The following PCDHA3 variants were observed in gnomAD, a reference collection of about 807,000 sequenced individuals.
PCDHA3 encodes the protein protocadherin alpha-3.
In PCDHA3, 41 loss-of-function variants were observed where a neutral mutation model predicts 62.2. The ratio of observed to expected loss-of-function variants is 0.66; its 90% CI spans 0.51 to 0.86. PCDHA3 has a LOEUF of 0.86. PCDHA3 is among the 40% of genes least tolerant of loss of function. The pLI is 0.00. For synonymous variants in PCDHA3, 640 were observed against 555.4 expected, an observed-to-expected ratio of 1.15 and a Z score of -2.14; for missense variants, 1,304 against 1,241.2, an observed-to-expected ratio of 1.05 and a Z score of -0.76.
intron 1 of PCDHA3, chr5:140,803,848 A>C: frequency 1.7e-6 from 1 of 598,176 alleles, no homozygotes. Context: ...TTTTATTGCT[A>C]AATGCCTGGG....
rs542615615 is a variant in PCDHA3, at chr5:140,855,959, A to G, written c.2394+52368A>G. 8 of 1,399,890 alleles carry G rather than the reference A, an allele frequency of 5.7e-6. No homozygotes were observed. In the East Asian group the frequency reaches 1.1e-4, roughly 20 times the overall value. The allele number at this position is 1,399,890 out of a possible 1,614,324, so 86.7% of individuals were successfully genotyped here. On this transcript the variant is annotated intron_variant, in intron 1 of 3. Transcript: ENST00000522353. Reference sequence around the variant, plus strand: ...GAGATCTCAGCCATTTCGATAAAAAATAGATATAAGAAATAGGACAGAAAA... The same window carrying G: ...GAGATCTCAGCCATTTCGATAAAAAGTAGATATAAGAAATAGGACAGAAAA...
chr5:140,855,744 T>C, intron 1 of PCDHA3: 1 of 316,692 alleles, frequency 3.2e-6, no homozygotes, highest in Non-Finnish European at 5.8e-6. Context: ...AGACGTAATG[T>C]GAGGCTTTGA....
chr5:140,932,966 G>C (rs2088764912), intron 1 of PCDHA3, among the ~76,000 whole-genome samples: 1 of 151,942 alleles, frequency 6.6e-6, no homozygotes, highest in South Asian at 2.1e-4. Context: ...TTGCTGAAAG[G>C]TTTTTACAAT....
chr5:140,883,870 G>T, intron 1 of PCDHA3: 1 of 1,613,302 alleles, frequency 6.2e-7, no homozygotes, highest in South Asian at 1.1e-5. Context: ...TGCAGTTCCA[G>T]GTGAGCGCGC....
At chr5:140,836,286 C>T (rs146878440) in intron 1 of PCDHA3, 2 of 1,613,774 alleles carry the variant, frequency 1.2e-6, no homozygotes, top group South Asian at 1.1e-5. Context: ...CAGCACGACA[C>T]GAGCCCTAGA....
chr5:140,876,515 C>G (rs782705478), intron 1 of PCDHA3: 4 of 1,613,960 alleles, frequency 2.5e-6, no homozygotes, highest in Non-Finnish European at 3.4e-6. Flanking sequence ...GACAATGTCC[C>G]TGAAGTAATG....
intron 1 of PCDHA3, chr5:140,835,759 A>T: frequency 6.2e-7 from 1 of 1,613,356 alleles, no homozygotes; most frequent in South Asian, 1.1e-5. Context: ...GCGCAGCCCG[A>T]GTATACGGTG....
intron 3 of PCDHA3, 119 bp from the exon 4 acceptor site, chr5:141,009,508 C>T (rs923907688): frequency 6.7e-7 from 1 of 1,496,530 alleles, no homozygotes; most frequent in African/African-American, 1.4e-5. Flanking sequence ...GAACAAACAA[C>T]TCGTGATTTT....
chr5:140,963,151 A>G (rs544176369), intron 1 of PCDHA3, among the ~76,000 whole-genome samples: 2 of 152,326 alleles, frequency 1.3e-5, no homozygotes, highest in South Asian at 4.1e-4. Context: ...ATGAATTTAA[A>G]AATGACACAT....
At chr5:140,850,363 G>T (rs1287210610) in intron 1 of PCDHA3, 3 of 1,597,818 alleles carry the variant, frequency 1.9e-6, no homozygotes, top group African/African-American at 1.3e-5. Flanking sequence ...ATCCCGTTCC[G>T]CGTGGGGCTG....
intron 1 of PCDHA3, among the ~76,000 whole-genome samples, chr5:140,958,077 A>C (rs2095408004): frequency 1.3e-5 from 2 of 152,124 alleles, no homozygotes; most frequent in African/African-American, 4.8e-5. Context: ...AGAAGCAAAA[A>C]GTAAAGTTGT....
chr5:140,848,526 G>A (rs1781577604), intron 1 of PCDHA3: 2 of 1,594,266 alleles, frequency 1.3e-6, no homozygotes, highest in Admixed American at 1.7e-5. Flanking sequence ...AGATCCAGAG[G>A]GTCAGCCTCT....
In PCDHA3 at chr5:140,803,374, C is replaced by T. The variant is rs2149969704; in HGVS notation, c.2177C>T (p.Pro726Leu). The T allele has an allele frequency of 2.5e-6, 4 of 1,614,184 alleles. No homozygotes were observed. The highest frequency in any genetic ancestry group is 3.4e-6 in the Non-Finnish European group (4 of 1,180,032). ...LLYTALRCSA[P>L]PTEGDCGPGK... ...TATACTGCTCTGCGGTGCTCCGCGC[C>T]GCCAACCGAAGGCGACTGTGGGCCG... Residue 726 changes from proline (P) to leucine (L), a missense_variant, in exon 1 of 4, where the codon CCG becomes CTG. Transcript: ENST00000522353.
At chr5:140,850,218 G>A (rs2150473987) in intron 1 of PCDHA3, 3 of 1,593,686 alleles carry the variant, frequency 1.9e-6, no homozygotes, top group African/African-American at 1.3e-5. Flanking sequence ...GGGCACTGAC[G>A]GCGCAGTGAG....
intron 1 of PCDHA3, among the ~76,000 whole-genome samples, chr5:140,833,509 G>A (rs2150209186): frequency 1.1e-3 from 173 of 152,196 alleles, no homozygotes; most frequent in African/African-American, 4.1e-3. Context: ...GTAAAAATAG[G>A]CATATATTCA....
At chr5:140,869,740 A>G in intron 1 of PCDHA3, 1 of 1,613,346 alleles carries the variant, frequency 6.2e-7, no homozygotes, top group Non-Finnish European at 8.5e-7. Flanking sequence ...TTTGCTGCTA[A>G]CAGCTACAGA....
At chr5:140,922,092 C>G (rs188826380) in intron 1 of PCDHA3, among the ~76,000 whole-genome samples, 2 of 152,184 alleles carry the variant, frequency 1.3e-5, no homozygotes. Context: ...GGTATTTCTA[C>G]CAACTATAGA....
At chr5:140,889,705 CA>C (rs1440108575) in intron 1 of PCDHA3, among the ~76,000 whole-genome samples, 2 of 152,132 alleles carry the variant, frequency 1.3e-5, no homozygotes, top group Non-Finnish European at 1.5e-5. Flanking sequence ...GCATATTCCA[CA>C]AGTTCTTTGC....
intron 1 of PCDHA3, chr5:140,858,620 C>T (rs570456010): frequency 8.8e-7 from 1 of 1,142,316 alleles, no homozygotes; most frequent in Non-Finnish European, 1.2e-6. Context: ...TTATCCTACC[C>T]AGTGTGTCAG....
Sources: gnomAD v4.1 joint callset for allele counts (sites outside exome capture counted in the v4.1 genomes callset) on GRCh38, gnomAD v4.1.1 for gene constraint, MANE v1.5 for transcripts, NCBI Gene and HGNC (gene_info 2026-07-23, HGNC 2026-07-21) for gene names.